ADGRV1: variants seen among roughly 807,000 people sequenced by gnomAD.
ADGRV1 encodes the protein G-protein coupled receptor 98.
In ADGRV1, 359 loss-of-function variants were observed where a neutral mutation model predicts 596.2. That is an observed-to-expected ratio of 0.60 (90% CI 0.55 to 0.66). ADGRV1 has a LOEUF of 0.66. ADGRV1 is among the 30% of genes least tolerant of loss of function. The pLI, the probability that ADGRV1 is intolerant of heterozygous loss-of-function variation, is 0.00. For synonymous variants in ADGRV1, 2,681 were observed against 2,679.2 expected (o/e 1.00, Z -0.02); for missense variants, 7,274 against 7,575.6 (o/e 0.96, Z 1.48).
Position 90,558,830 on chromosome 5 carries a change from C to A in ADGRV1, c.-66C>A. On this transcript the variant is annotated 5_prime_UTR_variant, in exon 1 of 90. Transcript: ENST00000405460. The stretch of plus-strand genomic sequence containing the variant: ...GAATCAGCAGCGCGGGCAAGGAGTA[C>A]GGACGGGAGTCAGAGGCAGAGCGAG... 1.3e-6 allele frequency: 2 copies of A among 1,510,380 alleles called. No homozygotes were observed. The highest frequency in any genetic ancestry group is 1.8e-6 in the Non-Finnish European group (2 of 1,108,276). 93.6% of individuals were successfully genotyped at this position (1,510,380 alleles called of 1,614,324 possible). A position where few individuals can be genotyped will look rare whatever the true frequency, so the allele number is the denominator to read the frequency against.
intron 89 of ADGRV1, among the ~76,000 whole-genome samples, chr5:91,157,894 A>AAGT (rs1796603670): frequency 6.6e-6 from 1 of 152,212 alleles, no homozygotes; most frequent in South Asian, 2.1e-4. Context: ...TCCCAGCCTG[A>AAGT]AGACTTCTAC....
At chr5:90,900,180 A>G (rs1461024371) in intron 83 of ADGRV1, among the ~76,000 whole-genome samples, 2 of 152,172 alleles carry the variant, frequency 1.3e-5, no homozygotes, top group Non-Finnish European at 1.5e-5. Context: ...AACATGCAAT[A>G]AAGACAATAA....
chr5:91,065,865 GA>G (rs1376457228), intron 85 of ADGRV1, among the ~76,000 whole-genome samples: 1 of 152,174 alleles, frequency 6.6e-6, no homozygotes, highest in Admixed American at 6.5e-5. Flanking sequence ...GAAATATAGG[GA>G]AAAGGATGAA....
At chr5:90,820,736 T>C (rs940342784) in intron 75 of ADGRV1, among the ~76,000 whole-genome samples, 9 of 151,538 alleles carry the variant, frequency 5.9e-5, no homozygotes, top group African/African-American at 2.2e-4. Flanking sequence ...GAATGTTGAA[T>C]ATTGGCCCCC....
chr5:90,853,771 T>A (rs1766761330), intron 80 of ADGRV1, among the ~76,000 whole-genome samples: 1 of 152,158 alleles, frequency 6.6e-6, no homozygotes, highest in African/African-American at 2.4e-5. Context: ...AAGTAAAAAA[T>A]ATATAGCTTT....
At chr5:91,079,207 T>A (rs369822292) in intron 86 of ADGRV1, among the ~76,000 whole-genome samples, 69 of 152,230 alleles carry the variant, frequency 4.5e-4, no homozygotes, top group African/African-American at 1.5e-3. Context: ...AATAACATTT[T>A]AAAAAAACAA....
intron 83 of ADGRV1, among the ~76,000 whole-genome samples, chr5:90,932,014 T>G (rs986721882): frequency 2.6e-5 from 4 of 152,188 alleles, no homozygotes; most frequent in Non-Finnish European, 4.4e-5. Flanking sequence ...TCACTTTGTT[T>G]TATTTTCCTT....
At position 90,967,246 on chromosome 5, in the gene ADGRV1, C is replaced by T. The variant is rs548928573; in HGVS notation, c.17973+1715C>T. ...TAAGCTTAATCAAGCTATTGACTCT[C>T]TCCAAGATTTGTTTCTAAATCTGCA... On this transcript the variant is annotated intron_variant, in intron 84 of 89. Transcript: ENST00000405460. 3.2e-4 allele frequency among the ~76,000 whole-genome samples: 48 copies of T among 152,282 alleles called. 1 individual carries two copies. Among genetic ancestry groups the T allele is most frequent in the East Asian group, 2.1e-3 (11 of 5,182 alleles).
chr5:90,655,988 T>G (rs1199530232), intron 20 of ADGRV1: 1 of 152,226 alleles, frequency 6.6e-6, no homozygotes, highest in Non-Finnish European at 1.5e-5. Flanking sequence ...GATACATGTA[T>G]ATTGCATGAA....
Position 90,871,159 on chromosome 5 carries a change from C to T in ADGRV1, c.17856+7302C>T, listed in dbSNP as rs972226336. Among the ~76,000 whole-genome samples, 6 of 151,950 alleles carry T rather than the reference C, an allele frequency of 3.9e-5. No individual in the cohort carries two copies. In the South Asian group the frequency reaches 6.2e-4, roughly 16 times the overall value. On this transcript the variant is annotated intron_variant, in intron 83 of 89. Coordinates refer to ENST00000405460, the MANE Select transcript of ADGRV1 (RefSeq NM_032119.4). ...AATAATTATATAAGTCATTCTACAA[C>T]CAAAAATATTAATATTATGCTATTC...
In ADGRV1 at chr5:90,860,112, A is replaced by G. The variant is rs374989171; in HGVS notation, c.17756-3645A>G. On this transcript the variant is annotated intron_variant, in intron 82 of 89. Coordinates refer to ENST00000405460, the MANE Select transcript of ADGRV1 (RefSeq NM_032119.4). ...TCTCTTAAAAAATAATAATAATAAT[A>G]ATGAAAATTTAAACTTAAATACCCA... Among the ~76,000 whole-genome samples, 135 of 151,838 alleles carry G rather than the reference A, an allele frequency of 8.9e-4. No individual in the cohort carries two copies. The South Asian group carries it at 0.016, about 19-fold the overall frequency.
chr5:90,950,963 A>G (rs1000607918), intron 83 of ADGRV1, among the ~76,000 whole-genome samples: 14 of 152,242 alleles, frequency 9.2e-5, no homozygotes, highest in African/African-American at 3.4e-4. Flanking sequence ...AACAAAGATA[A>G]GCCTCGCTCT....
At chr5:90,783,746 G>A in intron 66 of ADGRV1, 92 bp from the exon 67 acceptor site, 1 of 935,408 alleles carries the variant, frequency 1.1e-6, no homozygotes, top group Non-Finnish European at 1.6e-6. Flanking sequence ...CCTTGAATAT[G>A]TATGACCAAT....
intron 87 of ADGRV1, among the ~76,000 whole-genome samples, chr5:91,129,208 T>C (rs989853767): frequency 1.3e-5 from 2 of 152,246 alleles, no homozygotes; most frequent in African/African-American, 2.4e-5. Context: ...CTCTAACACA[T>C]ATGATTTTGA....
intron 74 of ADGRV1, among the ~76,000 whole-genome samples, chr5:90,811,756 A>T (rs150907423): frequency 2.1e-4 from 31 of 151,126 alleles, no homozygotes; most frequent in African/African-American, 7.3e-4. Flanking sequence ...TACCAAAAAG[A>T]TTTAAACTGT....
At chr5:90,866,315 ATGTG>A (rs149341618) in intron 83 of ADGRV1, among the ~76,000 whole-genome samples, 17 of 138,328 alleles carry the variant, frequency 1.2e-4, no homozygotes, top group East Asian at 8.0e-4. Flanking sequence ...GTATGTGTAT[ATGTG>A]TGTGTGTGTG....
intron 77 of ADGRV1, among the ~76,000 whole-genome samples, chr5:90,836,504 T>C (rs1764983810): frequency 6.6e-6 from 1 of 152,172 alleles, no homozygotes; most frequent in Non-Finnish European, 1.5e-5. Flanking sequence ...ATTCCATTTC[T>C]ATAATATTAT....
chr5:91,014,010 G>T (rs975616779), intron 85 of ADGRV1, among the ~76,000 whole-genome samples: 1 of 151,800 alleles, frequency 6.6e-6, no homozygotes, highest in East Asian at 1.9e-4. Flanking sequence ...AAGATCAGAT[G>T]ATCCTAGGTA....
chr5:90,658,245 C>G lies in ADGRV1; in HGVS notation c.4719C>G (p.Gly1573=), dbSNP rs1416968538. 1.3e-6 allele frequency: 2 copies of G among 1,533,462 alleles called. No individual in the cohort carries two copies. The highest frequency in any genetic ancestry group is 4.0e-5 in the Admixed American group (2 of 50,548). The allele number at this position is 1,533,462 out of a possible 1,614,324, so 95.0% of individuals were successfully genotyped here. Residue 1573 remains glycine, a synonymous_variant, in exon 21 of 90, where the codon GGC becomes GGG. Coordinates refer to ENST00000405460, the MANE Select transcript of ADGRV1 (RefSeq NM_032119.4). ...TACAAAAAAGTGACAATGCAAATGG[C>G]TTGTTTGGTTTCACAGGAGCTTGTA... ...LTIQKSDNAN[G]LFGFTGACIP...
Sources: gnomAD v4.1 joint callset for allele counts (sites outside exome capture counted in the v4.1 genomes callset) on GRCh38, gnomAD v4.1.1 for gene constraint, MANE v1.5 for transcripts, NCBI Gene and HGNC (gene_info 2026-07-23, HGNC 2026-07-21) for gene names.